The following COX15 variants were observed in gnomAD, a reference collection of about 807,000 sequenced individuals.
COX15 encodes the protein cytochrome c oxidase assembly factor COX15, also known as heme A synthase COX15.
COX15 carries 51 observed loss-of-function variants against 51.9 expected under a neutral mutation model. That is an observed-to-expected ratio of 0.98 (90% confidence interval 0.78 to 1.24). COX15 has a LOEUF of 1.24. COX15 is among the 50% of genes most tolerant of loss of function. The pLI is 0.00. For synonymous variants in COX15, 188 were observed against 190.5 expected, an observed-to-expected ratio of 0.99 and a Z score of 0.11; for missense variants, 420 against 501.1, an observed-to-expected ratio of 0.84 and a Z score of 1.55.
At position 99,727,308 on chromosome 10, in the gene COX15, G is replaced by A. The variant is rs369492343; in HGVS notation, c.395+133C>T. 1.1e-5 allele frequency: 16 copies of A among 1,472,448 alleles called. No homozygotes were observed. In the African/African-American group the frequency reaches 2.2e-4, roughly 20 times the overall value. The allele number at this position is 1,472,448 out of a possible 1,614,324, so 91.2% of individuals were successfully genotyped here. A position where few individuals can be genotyped will look rare whatever the true frequency, so the allele number is the denominator to read the frequency against. Reference sequence around the variant, plus strand: ...GACCTCAGGATGACTTTGGATTTGGGGGCTTAGAAGACAAGCTGACTAAAC... The same window carrying A: ...GACCTCAGGATGACTTTGGATTTGGAGGCTTAGAAGACAAGCTGACTAAAC... On this transcript the variant is annotated intron_variant, in intron 3 of 8. Transcript: ENST00000016171.
chr10:99,702,788 TTCCTCTC>T, the COX15 span: 1 of 939,542 alleles, frequency 1.1e-6, no homozygotes, highest in Non-Finnish European at 1.5e-6. Context: ...TTAAGTGACC[TTCCTCTC>T]TACCCCCTCA....
At chr10:99,701,099 T>C in the COX15 span, 4 of 1,473,122 alleles carry the variant, frequency 2.7e-6, no homozygotes, top group Non-Finnish European at 2.9e-6. Context: ...GGACTTAAAA[T>C]CTAGATGGCA....
the COX15 span, chr10:99,698,747 T>A: frequency 2.1e-5 from 34 of 1,614,124 alleles, no homozygotes; most frequent in South Asian, 2.6e-4. Flanking sequence ...AATCGCCTAT[T>A]GACTTCAACA....
the COX15 span, chr10:99,704,487 G>A: frequency 2.5e-6 from 4 of 1,614,092 alleles, no homozygotes; most frequent in Admixed American, 5.0e-5. Flanking sequence ...CAAGCCCATG[G>A]TAGCTGGTTC....
At chr10:99,714,944 G>C (rs1035847290) in intron 8 of COX15, among the ~76,000 whole-genome samples, 2 of 151,992 alleles carry the variant, frequency 1.3e-5, no homozygotes, top group Non-Finnish European at 1.5e-5. Context: ...CAGTTCCCCA[G>C]AGTAGTCACT....
chr10:99,729,373 T>A (rs1043760251), intron 2 of COX15, among the ~76,000 whole-genome samples, 180 bp downstream of exon 2: 3 of 150,560 alleles, frequency 2.0e-5, no homozygotes, highest in African/African-American at 7.4e-5. Flanking sequence ...GGCAGGAGAA[T>A]CGCTTGAACT....
At chr10:99,704,647 G>C in the COX15 span, 13 of 1,614,024 alleles carry the variant, frequency 8.1e-6, no homozygotes, top group Non-Finnish European at 1.1e-5. Context: ...GGCTTGAAGA[G>C]GTGGTGCCCA....
rs1248212831 is a variant in COX15, at chr10:99,721,067, A to T, written c.752T>A (p.Leu251Ter). Reference protein sequence around the residue: ...SLSLLLPPHKLPETHQLLQLR... With the variant: ...SLSLLLPPHK Reference sequence around the variant, plus strand: ...CTGTAGGAGTTGGTGGGTTTCAGGCAACTAAATATGAAAAAAAATCATTCA... The same window carrying T: ...CTGTAGGAGTTGGTGGGTTTCAGGCTACTAAATATGAAAAAAAATCATTCA... The change falls in exon 6 of 9, where the codon TTG becomes TAG. Residue 251 changes from leucine to a stop codon, truncating the protein, a stop_gained and splice_region_variant. Coordinates refer to ENST00000016171, the MANE Select transcript of COX15 (RefSeq NM_078470.6). LOFTEE classifies it high-confidence loss of function. The T allele has an allele frequency of 6.2e-7, 1 of 1,611,850 alleles. No individual in the cohort carries two copies. The highest frequency in any genetic ancestry group is 1.1e-5 in the South Asian group (1 of 90,476).
rs1356966493 is a variant in COX15, at chr10:99,713,266, G to C, written c.*1321C>G. 6.6e-7 allele frequency: 1 copy of C among 1,513,204 alleles called. No individual in the cohort carries two copies. The highest frequency in any genetic ancestry group is 1.4e-5 in the African/African-American group (1 of 72,082). 93.7% of individuals were successfully genotyped at this position (1,513,204 alleles called of 1,614,324 possible). ...AATGATATAAGGCCAGGTTTCTTCA[G>C]CCCAAACTTATACAACTTATTTAAT... is the stretch of plus-strand genomic sequence containing the variant. On this transcript the variant is annotated 3_prime_UTR_variant, in exon 9 of 9. Transcript: ENST00000016171.
Position 99,711,170 on chromosome 10 carries a change from A to G in COX15, c.*3417T>C, listed in dbSNP as rs10883407. On this transcript the variant is annotated 3_prime_UTR_variant, in exon 9 of 9. Coordinates refer to ENST00000016171, the MANE Select transcript of COX15 (RefSeq NM_078470.6). ...TAATACAGTTATATAGCTAAATGCA[A>G]CCAGTTGTTTTTCCAAATGTACTCA... 107,764 of 984,884 alleles carry G rather than the reference A, an allele frequency of 0.11. 6,352 individuals carry two copies. The highest frequency in any genetic ancestry group is 0.31 in the East Asian group (2,690 of 8,794). The allele number at this position is 984,884 out of a possible 1,614,324, so 61.0% of individuals were successfully genotyped here.
chr10:99,731,138 A>G (rs1441026241), intron 1 of COX15, among the ~76,000 whole-genome samples: 1 of 152,192 alleles, frequency 6.6e-6, no homozygotes, highest in East Asian at 1.9e-4. Flanking sequence ...TTATAATCTT[A>G]TGGGACCATG....
the COX15 span, chr10:99,704,612 G>A: frequency 1.2e-6 from 2 of 1,614,140 alleles, no homozygotes; most frequent in Non-Finnish European, 1.7e-6. Context: ...ACAAACACGA[G>A]CCTCAGCTCC....
chr10:99,719,300 A>G (rs988548075), intron 6 of COX15, among the ~76,000 whole-genome samples: 1 of 150,078 alleles, frequency 6.7e-6, no homozygotes, highest in Non-Finnish European at 1.5e-5. Context: ...GCTCACTGCA[A>G]CCTCTGCCTC....
intron 3 of COX15, 60 bp from the exon 4 acceptor site, chr10:99,727,214 T>G: frequency 2.5e-6 from 4 of 1,582,300 alleles, no homozygotes; most frequent in Non-Finnish European, 3.5e-6. Context: ...ATTTTTATTT[T>G]CTTACGGAAT....
Position 99,710,879 on chromosome 10 carries a change from A to G in COX15, c.*3708T>C, listed in dbSNP as rs576180531. 2.2e-5 allele frequency: 22 copies of G among 985,250 alleles called. No homozygotes were observed. In the African/African-American group the frequency reaches 3.7e-4, roughly 16 times the overall value. The allele number at this position is 985,250 out of a possible 1,614,324, so 61.0% of individuals were successfully genotyped here. On this transcript the variant is annotated 3_prime_UTR_variant, in exon 9 of 9. Transcript: ENST00000016171. The stretch of plus-strand genomic sequence containing the variant: ...TCTAGGTTGACTGATTAAGAAAGCC[A>G]TGTGTTTTAATTTCCTTCATGTTTT...
chr10:99,713,344 A>G lies in COX15; in HGVS notation c.*1243T>C, dbSNP rs906449340. The G allele has an allele frequency of 6.2e-6, 10 of 1,611,688 alleles. No homozygotes were observed. The highest frequency in any genetic ancestry group is 8.5e-6 in the Non-Finnish European group (10 of 1,178,920). On this transcript the variant is annotated 3_prime_UTR_variant, in exon 9 of 9. Coordinates refer to ENST00000016171, the MANE Select transcript of COX15 (RefSeq NM_078470.6). ...TGTTTAATTTCATCTCGATGGGGTC[A>G]TTCTGGGACTGTTTTCAGTTGCCAC...
chr10:99,709,096 C>T (rs1028058486), downstream of COX15: 17 of 980,920 alleles, frequency 1.7e-5, no homozygotes, highest in Non-Finnish European at 1.9e-5. Flanking sequence ...CTTTTTAAAA[C>T]AATTTTATAC....
the COX15 span, chr10:99,696,108 T>C: frequency 3.1e-6 from 5 of 1,612,482 alleles, no homozygotes; most frequent in Admixed American, 6.7e-5. Context: ...TGAATGAAAC[T>C]CTTAACAAAA....
chr10:99,715,782 T>C (rs995727866), intron 8 of COX15, among the ~76,000 whole-genome samples: 1 of 152,168 alleles, frequency 6.6e-6, no homozygotes, highest in African/African-American at 2.4e-5. Context: ...TTTTTTCCAA[T>C]TTGATAGGCA....
Sources: gnomAD v4.1 joint callset for allele counts (sites outside exome capture counted in the v4.1 genomes callset) on GRCh38, gnomAD v4.1.1 for gene constraint, MANE v1.5 for transcripts, NCBI Gene and HGNC (gene_info 2026-07-23, HGNC 2026-07-21) for gene names.